The following SLC26A5 variants were observed in gnomAD, a reference collection of about 807,000 sequenced individuals.
SLC26A5 encodes solute carrier family 26 member 5.
A neutral mutation model predicts 81.0 loss-of-function variants in SLC26A5; 51 were observed. The ratio of observed to expected loss-of-function variants is 0.63; its 90% CI spans 0.50 to 0.80. The LOEUF (loss-of-function observed/expected upper bound fraction) is 0.80, where lower values mean the gene tolerates loss of function less well. Among genes scored for constraint, SLC26A5 ranks in the 30% least tolerant of loss-of-function variants. The probability of loss-of-function intolerance (pLI) is 0.00; values close to 1 mark genes in which losing one functional copy is unlikely to be tolerated. For synonymous variants in SLC26A5, 325 were observed against 332.8 expected (o/e 0.98, Z 0.25); for missense variants, 771 against 905.8 (o/e 0.85, Z 1.91).
chr7:103,374,684 T>A (rs1437602022), intron 19 of SLC26A5, 92 bp from the exon 20 acceptor site: 1 of 1,265,958 alleles, frequency 7.9e-7, no homozygotes, highest in African/African-American at 1.5e-5. Flanking sequence ...GTGTTTTTTT[T>A]TTTGTTATTG....
chr7:103,392,822 C>G (rs530993639), intron 10 of SLC26A5, 97 bp downstream of exon 10: 20 of 1,482,424 alleles, frequency 1.3e-5, no homozygotes, highest in Non-Finnish European at 1.7e-5. Flanking sequence ...CATGATCCGC[C>G]TGCCTTGGCC....
intron 12 of SLC26A5, among the ~76,000 whole-genome samples, chr7:103,389,680 T>C (rs1025324482): frequency 6.6e-6 from 1 of 152,188 alleles, no homozygotes; most frequent in Admixed American, 6.5e-5. Flanking sequence ...TGGAGTGCAG[T>C]AGCGTAATCT....
At chr7:103,433,384 C>G (rs919835603) in intron 2 of SLC26A5, 2 of 152,036 alleles carry the variant, frequency 1.3e-5, no homozygotes, top group African/African-American at 4.8e-5. Flanking sequence ...GTGTGTTTGT[C>G]CTGGAGGGAG....
chr7:103,382,346 C>CTTTTTTT (rs755840628), intron 14 of SLC26A5, among the ~76,000 whole-genome samples: 5 of 114,336 alleles, frequency 4.4e-5, no homozygotes, highest in Admixed American at 9.4e-5. Flanking sequence ...GCCCTATTTC[C>CTTTTTTT]TTTTTTTTTT....
At chr7:103,360,823 T>A (rs1308543684) in intron 19 of SLC26A5, among the ~76,000 whole-genome samples, 1 of 152,208 alleles carries the variant, frequency 6.6e-6, no homozygotes, top group Non-Finnish European at 1.5e-5. Context: ...TAAAAATAGC[T>A]TCTACTGGCC....
rs914492032 is a variant in SLC26A5 at position 103,367,115 on chromosome 7, G to A, written c.2041+9693C>T. Among the ~76,000 whole-genome samples, 5 of 152,186 alleles carry A rather than the reference G, an allele frequency of 3.3e-5. No homozygotes were observed. Among genetic ancestry groups the A allele is most frequent in the Non-Finnish European group, 7.3e-5 (5 of 68,036 alleles). On this transcript the variant is annotated intron_variant, in intron 19 of 19. Coordinates refer to the SLC26A5 transcript ENST00000339444. The surrounding 1 kb of genome is among the most constrained non-coding windows in gnomAD (Gnocchi z 6.1). ...ATAATTGTTGTCTTGTGTACTTCAT[G>A]AGTTTTTGAGAGGTCCAAATTAAGT...
At chr7:103,413,871 T>C (rs1015283780) in intron 4 of SLC26A5, among the ~76,000 whole-genome samples, 3 of 152,060 alleles carry the variant, frequency 2.0e-5, no homozygotes, top group Non-Finnish European at 4.4e-5. Context: ...TTTCCATACA[T>C]TCCCTGCCCT....
chr7:103,420,253 T>C (rs2116716141), intron 4 of SLC26A5, among the ~76,000 whole-genome samples: 1 of 150,612 alleles, frequency 6.6e-6, no homozygotes, highest in South Asian at 2.1e-4. Context: ...ATCTGCAAAG[T>C]AGTAACACCA....
At chr7:103,403,243 T>G (rs1021019852) in intron 8 of SLC26A5, among the ~76,000 whole-genome samples, 5 of 152,208 alleles carry the variant, frequency 3.3e-5, no homozygotes, top group Non-Finnish European at 7.3e-5. Flanking sequence ...ACAGACTGTT[T>G]GTTATGATTT....
chr7:103,421,106 G>C (rs564562629), intron 3 of SLC26A5, among the ~76,000 whole-genome samples: 8 of 152,304 alleles, frequency 5.3e-5, no homozygotes, highest in Non-Finnish European at 7.4e-5. Context: ...TGGAGAATTA[G>C]AAAGCATGTT....
In SLC26A5 at chr7:103,374,247, T is replaced by C; in HGVS notation, c.*152A>G. 6.9e-7 allele frequency: 1 copy of C among 1,456,270 alleles called. No homozygotes were observed. Among genetic ancestry groups the C allele is most frequent in the South Asian group, 1.5e-5 (1 of 68,312 alleles). 90.2% of individuals were successfully genotyped at this position (1,456,270 alleles called of 1,614,324 possible). On this transcript the variant is annotated 3_prime_UTR_variant, in exon 20 of 20. Transcript: ENST00000306312. ...TTCAATTAAAAAAACACAAGTACAA[T>C]ACATCTTGCTAGGCGTCATTCACCC...
chr7:103,412,109 C>T (rs1196664915), intron 5 of SLC26A5, among the ~76,000 whole-genome samples: 1 of 152,144 alleles, frequency 6.6e-6, no homozygotes, highest in East Asian at 1.9e-4. Context: ...ATTACCCAGA[C>T]CAGCCCTTCC....
chr7:103,413,743 ACTCTTTC>A (rs1824688374), intron 4 of SLC26A5, among the ~76,000 whole-genome samples: 1 of 151,924 alleles, frequency 6.6e-6, no homozygotes, highest in African/African-American at 2.4e-5. Context: ...CCTCTAGGGG[ACTCTTTC>A]CCTCACTCTG....
At chr7:103,364,412 CTTTT>C (rs1162521765) in intron 19 of SLC26A5, 12 of 1,319,240 alleles carry the variant, frequency 9.1e-6, no homozygotes, top group Middle Eastern at 2.4e-4. Flanking sequence ...CCTGAAATTT[CTTTT>C]TTCTTTTGTT....
At chr7:103,379,134 G>A in intron 16 of SLC26A5, 109 bp downstream of exon 16, 1 of 797,960 alleles carries the variant, frequency 1.3e-6, no homozygotes, top group Non-Finnish European at 2.2e-6. Context: ...AAAAGAGAGA[G>A]AAACAAAGCG....
intron 19 of SLC26A5, among the ~76,000 whole-genome samples, chr7:103,357,199 G>A (rs758542118): frequency 2.4e-4 from 37 of 151,966 alleles, no homozygotes; most frequent in Admixed American, 1.0e-3. Flanking sequence ...GGTGGCGGGC[G>A]CTTGTAATCC....
chr7:103,414,537 C>A (rs1403640001), intron 4 of SLC26A5, among the ~76,000 whole-genome samples: 1 of 152,162 alleles, frequency 6.6e-6, no homozygotes, highest in East Asian at 1.9e-4. Flanking sequence ...CTACACCAGG[C>A]TGACTTCTTT....
At chr7:103,442,193 G>A (rs1453231079) in intron 2 of SLC26A5, among the ~76,000 whole-genome samples, 1 of 151,976 alleles carries the variant, frequency 6.6e-6, no homozygotes, top group African/African-American at 2.4e-5. Context: ...CCAGGCTGGA[G>A]TATAGTGGCG....
At position 103,367,507 on chromosome 7, in the gene SLC26A5, C is replaced by T. The variant is rs779040440; in HGVS notation, c.2041+9301G>A. 2 of 1,613,952 alleles carry T rather than the reference C, an allele frequency of 1.2e-6. No homozygotes were observed. The highest frequency in any genetic ancestry group is 1.7e-6 in the Non-Finnish European group (2 of 1,179,988). On this transcript the variant is annotated intron_variant, in intron 19 of 19. Transcript: ENST00000339444. The surrounding 1 kb of genome is among the most constrained non-coding windows in gnomAD (Gnocchi z 6.1). ...AGCTTGATGGTTTTGATCCTAGAGG[C>T]AATATTAAAGTGCTGATGGCCACTA... is the stretch of plus-strand genomic sequence containing the variant.
Sources: allele counts gnomAD v4.1 joint callset (sites outside exome capture counted in the v4.1 genomes callset), GRCh38; gene constraint gnomAD v4.1.1; non-coding constraint Gnocchi (gnomAD v3.1); transcripts MANE v1.5; gene names NCBI Gene and HGNC (gene_info 2026-07-23, HGNC 2026-07-21).